LMBR1: variants seen among roughly 807,000 people sequenced by gnomAD.
The protein encoded by LMBR1 is limb region 1 protein homolog.
LMBR1 carries 52 observed loss-of-function variants against 73.9 expected under a neutral mutation model. The observed-to-expected ratio is 0.70, with a 90% CI of 0.56 to 0.89. LMBR1 has a LOEUF of 0.89. Ranked by LOEUF, LMBR1 falls within the 40% of genes least tolerant of loss-of-function variation. LMBR1 has a pLI of 0.00. For missense variants in LMBR1, 539 were observed against 579.8 expected, an observed-to-expected ratio of 0.93 and a Z score of 0.72; for synonymous variants, 215 against 209.4, an observed-to-expected ratio of 1.03 and a Z score of -0.23.
In LMBR1 at chr7:156,795,760, C is replaced by T. The variant is rs60593875; in HGVS notation, c.423+629G>A. On this transcript the variant is annotated intron_variant, in intron 5 of 16. Transcript: ENST00000353442. ...TACAGACAGGGTCTCACTGTGTTGC[C>T]CAAACTGGTCTCGAAAAACTGGCCT... 6.6e-3 allele frequency among the ~76,000 whole-genome samples: 1,010 copies of T among 152,156 alleles called. 10 individuals are homozygous for T. The highest frequency in any genetic ancestry group is 0.023 in the African/African-American group (946 of 41,502).
chr7:156,731,722 A>G (rs559787447), intron 10 of LMBR1, among the ~76,000 whole-genome samples: 1 of 152,316 alleles, frequency 6.6e-6, no homozygotes, highest in Non-Finnish European at 1.5e-5. Context: ...CAAATCAGGA[A>G]CATATGAATT....
intron 4 of LMBR1, among the ~76,000 whole-genome samples, chr7:156,809,846 G>A (rs1426241697): frequency 1.3e-5 from 2 of 152,142 alleles, no homozygotes; most frequent in Non-Finnish European, 1.5e-5. Context: ...CAGATTACAT[G>A]CGTTGGTACA....
intron 9 of LMBR1, among the ~76,000 whole-genome samples, chr7:156,755,336 T>C (rs747469598): frequency 5.9e-5 from 9 of 152,256 alleles, no homozygotes; most frequent in Non-Finnish European, 1.3e-4. Flanking sequence ...TGAGAAAGGC[T>C]GTATTTTTGG....
At chr7:156,826,824 T>G (rs1307037802) in intron 3 of LMBR1, 80 bp from the exon 4 acceptor site, 7 of 1,276,640 alleles carry the variant, frequency 5.5e-6, no homozygotes, top group East Asian at 2.4e-5. Flanking sequence ...ATGCAAACTC[T>G]TTAATGTTTT....
chr7:156,674,739 A>G (rs1803416476), downstream of LMBR1, among the ~76,000 whole-genome samples: 1 of 152,242 alleles, frequency 6.6e-6, no homozygotes, highest in African/African-American at 2.4e-5. Flanking sequence ...CGTTGAAGTG[A>G]TAATATTTTG....
chr7:156,761,780 C>T (rs1274832154), intron 8 of LMBR1, among the ~76,000 whole-genome samples: 6 of 151,788 alleles, frequency 4.0e-5, no homozygotes, highest in Non-Finnish European at 7.4e-5. Flanking sequence ...ATTGAGACCA[C>T]CCTGCCTAAC....
At chr7:156,674,545 A>C (rs903206915), downstream of LMBR1, among the ~76,000 whole-genome samples, 1 of 152,128 alleles carries the variant, frequency 6.6e-6, no homozygotes, top group African/African-American at 2.4e-5. Flanking sequence ...CTCAGATGAC[A>C]CTGGTGGCCA....
At chr7:156,778,694 C>T (rs1273926630) in intron 5 of LMBR1, among the ~76,000 whole-genome samples, 1 of 152,194 alleles carries the variant, frequency 6.6e-6, no homozygotes, top group Non-Finnish European at 1.5e-5. Context: ...TTATCACTAT[C>T]TTTCTTGAGA....
Position 156,679,428 on chromosome 7 carries a change from C to G in LMBR1, c.*4650G>C, listed in dbSNP as rs1804628078. On this transcript the variant is annotated 3_prime_UTR_variant, in exon 17 of 17. Transcript: ENST00000353442. The stretch of plus-strand genomic sequence containing the variant: ...CCACTTGTCACTTAGTTCTCTGACT[C>G]TACTGTGGAGTCCATATAGAACAAC... 1 of 152,208 alleles carries G rather than the reference C, an allele frequency of 6.6e-6. No homozygotes were observed. Among genetic ancestry groups the G allele is most frequent in the South Asian group, 2.1e-4 (1 of 4,824 alleles). The allele number at this position is 152,208 out of a possible 1,614,324, so 9.4% of individuals were successfully genotyped here. A position where few individuals can be genotyped will look rare whatever the true frequency, so the allele number is the denominator to read the frequency against.
chr7:156,886,781 G>T (rs1801977785), intron 1 of LMBR1, among the ~76,000 whole-genome samples: 1 of 152,210 alleles, frequency 6.6e-6, no homozygotes, highest in Non-Finnish European at 1.5e-5. Flanking sequence ...CCCTTGCCTG[G>T]CATGGCCCTA....
At chr7:156,842,024 C>T (rs972158783) in intron 1 of LMBR1, among the ~76,000 whole-genome samples, 3 of 142,008 alleles carry the variant, frequency 2.1e-5, no homozygotes, top group African/African-American at 7.4e-5. Flanking sequence ...AGGAGGAGAA[C>T]AAGGAGGAGA....
chr7:156,863,361 C>T lies in LMBR1; in HGVS notation c.67-26476G>A, dbSNP rs1206167106. ...TTCACATTTTTTTTTTTTCTGCCTG[C>T]TTTATATTCTAGCCATGATGGCAGC... On this transcript the variant is annotated intron_variant, in intron 1 of 16. Transcript: ENST00000353442. Among the ~76,000 whole-genome samples the T allele has an allele frequency of 2.0e-5, 3 of 151,392 alleles. No homozygotes were observed. In the East Asian group the frequency reaches 5.8e-4, roughly 29 times the overall value.
intron 4 of LMBR1, among the ~76,000 whole-genome samples, chr7:156,821,556 T>C (rs1834800875): frequency 6.6e-6 from 1 of 152,200 alleles, no homozygotes; most frequent in Non-Finnish European, 1.5e-5. Context: ...CCATGGCCAA[T>C]GGTTTGGCCA....
intron 1 of LMBR1, among the ~76,000 whole-genome samples, chr7:156,876,587 T>G (rs1044480542): frequency 5.9e-5 from 9 of 152,168 alleles, no homozygotes; most frequent in African/African-American, 2.2e-4. Context: ...CAAGTCTTAA[T>G]AAATTTAAGA....
chr7:156,843,156 A>C (rs1483927445), intron 1 of LMBR1, among the ~76,000 whole-genome samples: 10 of 152,114 alleles, frequency 6.6e-5, no homozygotes, highest in African/African-American at 2.2e-4. Context: ...TTTTCCTGCC[A>C]GCCTTTAAAC....
intron 4 of LMBR1, among the ~76,000 whole-genome samples, chr7:156,810,794 A>G (rs751101958): frequency 6.6e-6 from 1 of 151,620 alleles, no homozygotes; most frequent in Admixed American, 6.6e-5. Flanking sequence ...TCACTTTCAC[A>G]TAGTTTTTTG....
intron 8 of LMBR1, among the ~76,000 whole-genome samples, chr7:156,759,030 A>G (rs1409570775): frequency 2.6e-5 from 4 of 152,250 alleles, no homozygotes; most frequent in Non-Finnish European, 5.9e-5. Flanking sequence ...TATGGGTAAG[A>G]CATAGTCCTT....
At chr7:156,863,924 TG>T (rs992989816) in intron 1 of LMBR1, among the ~76,000 whole-genome samples, 3 of 151,874 alleles carry the variant, frequency 2.0e-5, no homozygotes, top group African/African-American at 7.3e-5. Context: ...CCAAGGTGGG[TG>T]GATCACTTGA....
chr7:156,788,285 C>A (rs1274718927), intron 5 of LMBR1, among the ~76,000 whole-genome samples: 2 of 152,046 alleles, frequency 1.3e-5, no homozygotes, highest in African/African-American at 4.8e-5. Flanking sequence ...AGAAAAAAAA[C>A]AGTTTTGATC....
Sources: allele counts gnomAD v4.1 joint callset (sites outside exome capture counted in the v4.1 genomes callset), GRCh38; gene constraint gnomAD v4.1.1; transcripts MANE v1.5; gene names NCBI Gene and HGNC (gene_info 2026-07-23, HGNC 2026-07-21).